Variants in CSMD3 observed in about 807,000 individuals in gnomAD.
The protein encoded by CSMD3 is CUB and Sushi multiple domains 3, also known as CUB and sushi domain-containing protein 3.
Under a neutral mutation model 435.2 loss-of-function variants are expected in CSMD3, and 177 were observed. The ratio of observed to expected loss-of-function variants is 0.41; its 90% CI spans 0.36 to 0.46. The LOEUF (loss-of-function observed/expected upper bound fraction) is 0.46. Among genes scored for constraint, CSMD3 ranks in the 20% least tolerant of loss-of-function variants. The pLI is 0.34. For synonymous variants in CSMD3, 1,656 were observed against 1,520.5 expected, an observed-to-expected ratio of 1.09 and a Z score of -2.07; for missense variants, 4,265 against 4,504.6, an observed-to-expected ratio of 0.95 and a Z score of 1.52.
At chr8:112,520,801 G>A (rs780754873) in intron 27 of CSMD3, among the ~76,000 whole-genome samples, 1 of 151,764 alleles carries the variant, frequency 6.6e-6, no homozygotes, top group African/African-American at 2.4e-5. Context: ...CACTCCAACT[G>A]CTTTTTCACT....
At chr8:113,283,337 T>C (rs181544179) in intron 2 of CSMD3, among the ~76,000 whole-genome samples, 2 of 151,866 alleles carry the variant, frequency 1.3e-5, no homozygotes, top group East Asian at 3.9e-4. Context: ...TCTTTACATC[T>C]GACAAAGGAC....
At chr8:112,649,451 G>A (rs1423828271) in intron 19 of CSMD3, among the ~76,000 whole-genome samples, 1 of 152,168 alleles carries the variant, frequency 6.6e-6, no homozygotes. Context: ...AATAGTAAGT[G>A]TAGAATTTGA....
At chr8:112,861,628 G>C (rs371309612) in intron 10 of CSMD3, among the ~76,000 whole-genome samples, 3 of 151,870 alleles carry the variant, frequency 2.0e-5, no homozygotes, top group South Asian at 4.1e-4. Context: ...CTTCCACTAA[G>C]GATTCTGTAA....
intron 3 of CSMD3, among the ~76,000 whole-genome samples, chr8:113,251,015 G>T (rs1272927043): frequency 6.6e-6 from 1 of 151,866 alleles, no homozygotes; most frequent in Admixed American, 6.6e-5. Context: ...GAAAAAAAAA[G>T]TTTAAAAATG....
chr8:113,260,989 G>T (rs1236941605), intron 3 of CSMD3, among the ~76,000 whole-genome samples: 1 of 152,110 alleles, frequency 6.6e-6, no homozygotes, highest in African/African-American at 2.4e-5. Flanking sequence ...GGGCATTTGG[G>T]TTGGTTCCAA....
chr8:112,240,263 A>G (rs989512703), intron 66 of CSMD3, among the ~76,000 whole-genome samples: 1 of 152,052 alleles, frequency 6.6e-6, no homozygotes, highest in East Asian at 1.9e-4. Flanking sequence ...AATTTAATTT[A>G]TTATTTAATA....
chr8:112,779,018 A>G (rs2078313835), intron 13 of CSMD3, among the ~76,000 whole-genome samples: 1 of 151,748 alleles, frequency 6.6e-6, no homozygotes, highest in African/African-American at 2.4e-5. Flanking sequence ...TTTTTAAATA[A>G]GGTTGGTCAT....
At chr8:113,329,278 A>T (rs1702687860) in intron 1 of CSMD3, among the ~76,000 whole-genome samples, 1 of 151,738 alleles carries the variant, frequency 6.6e-6, no homozygotes, top group Non-Finnish European at 1.5e-5. Context: ...CCAAATAAAT[A>T]ACACTATTAA....
At chr8:112,754,364 G>A (rs2077642146) in intron 13 of CSMD3, among the ~76,000 whole-genome samples, 1 of 152,108 alleles carries the variant, frequency 6.6e-6, no homozygotes, top group African/African-American at 2.4e-5. Context: ...GATGAGGAGA[G>A]GCTGAAGTTT....
In CSMD3 at chr8:113,066,436, C is replaced by T. The variant is rs113814994; in HGVS notation, c.917+32320G>A. Among the ~76,000 whole-genome samples, 219 of 152,020 alleles carry T rather than the reference C, an allele frequency of 1.4e-3. 3 individuals are homozygous for T. The highest frequency in any genetic ancestry group is 5.1e-3 in the African/African-American group (211 of 41,502). ...AAACAAATGATGAGAATGATTAGATCGACTACCTCTAAATGATGAATAATT... is the reference window on the plus strand; with the variant it reads ...AAACAAATGATGAGAATGATTAGATTGACTACCTCTAAATGATGAATAATT... On this transcript the variant is annotated intron_variant, in intron 5 of 70. Transcript: ENST00000297405.
At chr8:113,271,124 A>C (rs1272857307) in intron 3 of CSMD3, among the ~76,000 whole-genome samples, 1 of 152,118 alleles carries the variant, frequency 6.6e-6, no homozygotes, top group Non-Finnish European at 1.5e-5. Context: ...GGTGCTGTTA[A>C]AAGTATTCTG....
chr8:113,153,694 T>C (rs553484509), intron 4 of CSMD3, among the ~76,000 whole-genome samples: 1 of 152,108 alleles, frequency 6.6e-6, no homozygotes, highest in African/African-American at 2.4e-5. Context: ...TGTTCAAAAG[T>C]AGTGGGGGTG....
chr8:112,312,970 G>A (rs1364395211), intron 49 of CSMD3, among the ~76,000 whole-genome samples: 1 of 152,114 alleles, frequency 6.6e-6, no homozygotes, highest in Admixed American at 6.6e-5. Context: ...ACACTGTATA[G>A]AAAGAGACAG....
At chr8:112,936,394 G>C (rs2083281115) in intron 9 of CSMD3, among the ~76,000 whole-genome samples, 1 of 151,852 alleles carries the variant, frequency 6.6e-6, no homozygotes, top group African/African-American at 2.4e-5. Context: ...ACATAATAAG[G>C]ATATTTTCTT....
At chr8:112,307,993 A>T (rs953829826) in intron 50 of CSMD3, among the ~76,000 whole-genome samples, 5 of 152,300 alleles carry the variant, frequency 3.3e-5, no homozygotes, top group Admixed American at 2.6e-4. Flanking sequence ...CCTTAGTGAA[A>T]TCTTTACAAA....
Position 112,286,120 on chromosome 8 carries a change from T to C in CSMD3, c.9331+944A>G, listed in dbSNP as rs187076054. The stretch of plus-strand genomic sequence containing the variant: ...ATTCTAGTAACTAACAGTTGTACTC[T>C]ACAATTAAAAATCTTAATAATACTT... On this transcript the variant is annotated intron_variant, in intron 58 of 70. Coordinates refer to ENST00000297405, the MANE Select transcript of CSMD3 (RefSeq NM_198123.2). 2.9e-3 allele frequency among the ~76,000 whole-genome samples: 437 copies of C among 152,296 alleles called. 5 individuals are homozygous for C. Among genetic ancestry groups the C allele is most frequent in the African/African-American group, 9.9e-3 (412 of 41,566 alleles).
chr8:112,620,002 G>A (rs1833945952), intron 22 of CSMD3, among the ~76,000 whole-genome samples: 1 of 152,072 alleles, frequency 6.6e-6, no homozygotes, highest in Non-Finnish European at 1.5e-5. Context: ...TTAACTTGCT[G>A]ATTACATAAT....
At chr8:112,417,738 G>A (rs547815908) in intron 32 of CSMD3, among the ~76,000 whole-genome samples, 2 of 152,038 alleles carry the variant, frequency 1.3e-5, no homozygotes, top group South Asian at 4.2e-4. Flanking sequence ...CTTTCTTTTG[G>A]GGCTAAGAAA....
Position 112,304,868 on chromosome 8 carries a change from A to G in CSMD3, c.8119T>C (p.Trp2707Arg), listed in dbSNP as rs760700383. ...TAATGGGAGCCATTCACAATTCGCC[A>G]TCTTCCATGTTCCAAGATAAAGGAA... ...INSFILEHGR[W>R]RIVNGSHYEY... Residue 2707 changes from tryptophan (W) to arginine (R), a missense_variant, in exon 52 of 71, where the codon TGG (tryptophan) becomes CGG (arginine). Physicochemically the swap from Trp to Arg is moderately radical, Grantham distance 101. This residue lies in a region of CSMD3 where 3,255 missense variants were observed against 3,380.2 expected (regional missense o/e 0.96). Transcript: ENST00000297405. 20 of 1,613,782 alleles carry G rather than the reference A, an allele frequency of 1.2e-5. No homozygotes were observed. The highest frequency in any genetic ancestry group is 1.0e-4 in the Admixed American group (6 of 59,948).
Sources: allele counts gnomAD v4.1 joint callset (sites outside exome capture counted in the v4.1 genomes callset), GRCh38; gene constraint gnomAD v4.1.1; regional missense constraint gnomAD v4.1.1; transcripts MANE v1.5; gene names NCBI Gene and HGNC (gene_info 2026-07-23, HGNC 2026-07-21).